Variants in ATAD2 observed in about 807,000 individuals in gnomAD.
ATAD2 encodes ATPase family AAA domain containing 2.
In ATAD2, 62 loss-of-function variants were observed where a neutral mutation model predicts 168.9. That is an observed-to-expected ratio of 0.37 (90% confidence interval 0.30 to 0.45). ATAD2 has a LOEUF of 0.45. Among genes scored for constraint, ATAD2 ranks in the 20% least tolerant of loss-of-function variants. The probability of loss-of-function intolerance (pLI) is 1.00; values close to 1 mark genes in which losing one functional copy is unlikely to be tolerated. For synonymous variants in ATAD2, 613 were observed against 571.6 expected (o/e 1.07, Z -1.03); for missense variants, 1,419 against 1,667.8 (o/e 0.85, Z 2.60).
At chr8:123,369,752 C>A in intron 7 of ATAD2, 69 bp downstream of exon 7, 1 of 1,317,578 alleles carries the variant, frequency 7.6e-7, no homozygotes. Context: ...ACAAGAATAA[C>A]AGAGAAGAAA....
intron 1 of ATAD2, among the ~76,000 whole-genome samples, chr8:123,406,229 T>C (rs1813066397): frequency 6.6e-6 from 1 of 151,262 alleles, no homozygotes; most frequent in African/African-American, 2.4e-5. Flanking sequence ...ATACAAAAAT[T>C]AGTTGGGTGT....
intron 7 of ATAD2, chr8:123,369,512 T>C (rs1012504218): frequency 1.2e-5 from 4 of 325,642 alleles, no homozygotes; most frequent in Admixed American, 4.4e-5. Context: ...AATATTAACA[T>C]AAATCAAAAG....
chr8:123,328,112 C>A, intron 25 of ATAD2, 78 bp downstream of exon 25: 1 of 1,182,718 alleles, frequency 8.5e-7, no homozygotes, highest in Non-Finnish European at 1.1e-6. Flanking sequence ...AAGCAATAAA[C>A]TAAGATGCAA....
rs1554648314 is a variant in ATAD2, at chr8:123,396,409, A to AGGCGCTCGCAGCTCT, written c.-67_-53dup. On this transcript the variant is annotated 5_prime_UTR_variant, in exon 1 of 28. Coordinates refer to ENST00000287394, the MANE Select transcript of ATAD2 (RefSeq NM_014109.4). ...CGCGACCGGAGAGAGATCCAGCTCC[A>AGGCGCTCGCAGCTCT]GGCGCTCGCAGCTCTGGCTCTTCCG... The AGGCGCTCGCAGCTCT allele has an allele frequency of 2.7e-5, 40 of 1,471,186 alleles. No homozygotes were observed. The highest frequency in any genetic ancestry group is 3.5e-5 in the Non-Finnish European group (39 of 1,113,656). 91.1% of individuals were successfully genotyped at this position (1,471,186 alleles called of 1,614,324 possible). A position where few individuals can be genotyped will look rare whatever the true frequency, so the allele number is the denominator to read the frequency against.
intron 2 of ATAD2, among the ~76,000 whole-genome samples, chr8:123,378,727 C>CAAAAAAAAAAAAAAAA (rs1554646643): frequency 2.5e-4 from 23 of 91,028 alleles, no homozygotes; most frequent in African/African-American, 8.7e-4. Flanking sequence ...AAAAAAAAAT[C>CAAAAAAAAAAAAAAAA]AAAATTCCAT....
chr8:123,399,664 G>T (rs967964108), upstream of ATAD2, among the ~76,000 whole-genome samples: 6 of 151,490 alleles, frequency 4.0e-5, no homozygotes, highest in Non-Finnish European at 8.8e-5. Flanking sequence ...AGAGCAGCCT[G>T]ACCAACATGG....
At position 123,401,973 on chromosome 8, in the gene ATAD2, A is replaced by C. The variant is rs1813009204; in HGVS notation, c.-2281-798T>G. ...GTGGGCATCCAGCATGGCTGCCAGG[A>C]TATCAGGGCCCGCAGCCTGTCTGTC... On this transcript the variant is annotated intron_variant, in intron 1 of 28. Transcript: ENST00000521903. 1.2e-5 allele frequency: 12 copies of C among 989,830 alleles called. No homozygotes were observed. In the South Asian group the frequency reaches 1.5e-4, roughly 13 times the overall value. 61.3% of individuals were successfully genotyped at this position (989,830 alleles called of 1,614,324 possible). A position where few individuals can be genotyped will look rare whatever the true frequency, so the allele number is the denominator to read the frequency against.
intron 1 of ATAD2, among the ~76,000 whole-genome samples, chr8:123,393,575 ATCAAAC>A (rs1812694490): frequency 2.0e-5 from 3 of 152,022 alleles, no homozygotes; most frequent in Admixed American, 2.0e-4. Flanking sequence ...TAATATATAT[ATCAAAC>A]AGTGGAAAAC....
rs1330289736 is a variant in ATAD2 at position 123,359,226 on chromosome 8, G to A, written c.1377C>T (p.Pro459=). Residue 459 remains proline (P), a synonymous_variant, in exon 11 of 28, where the codon CCC becomes CCT. Coordinates refer to ENST00000287394, the MANE Select transcript of ATAD2 (RefSeq NM_014109.4). ...TAAAAATATAATTAAATTACCTTGGGGGTTGAATTTTAAATTTTTCAAAGA... is the reference window on the plus strand; with the variant it reads ...TAAAAATATAATTAAATTACCTTGGAGGTTGAATTTTAAATTTTTCAAAGA... ...PEVFEKFKIQ[P]PRGCLFYGPP... 1 of 1,566,112 alleles carries A rather than the reference G, an allele frequency of 6.4e-7. No individual in the cohort carries two copies. Among genetic ancestry groups the A allele is most frequent in the South Asian group, 1.2e-5 (1 of 85,084 alleles).
At chr8:123,366,417 A>T (rs945179253) in intron 8 of ATAD2, among the ~76,000 whole-genome samples, 27 of 152,210 alleles carry the variant, frequency 1.8e-4, no homozygotes, top group African/African-American at 6.5e-4. Flanking sequence ...CTGGGTATCT[A>T]CCCAGAGGAA....
At chr8:123,414,699 G>A (rs561261979) in intron 1 of ATAD2, among the ~76,000 whole-genome samples, 11 of 152,280 alleles carry the variant, frequency 7.2e-5, no homozygotes, top group Non-Finnish European at 1.0e-4. Context: ...GTACCTTACC[G>A]TATAGAAGGT....
At chr8:123,413,929 A>G (rs532630694) in intron 1 of ATAD2, among the ~76,000 whole-genome samples, 2 of 151,934 alleles carry the variant, frequency 1.3e-5, no homozygotes, top group Admixed American at 1.3e-4. Context: ...AGGCGGGCAG[A>G]TCACTTGAGG....
At chr8:123,376,180 C>T (rs1481453074) in intron 2 of ATAD2, among the ~76,000 whole-genome samples, 1 of 150,612 alleles carries the variant, frequency 6.6e-6, no homozygotes, top group African/African-American at 2.4e-5. Context: ...CCTAGACGGG[C>T]AGATTGCCTG....
At chr8:123,364,586 G>A (rs1217170488) in intron 8 of ATAD2, among the ~76,000 whole-genome samples, 1 of 152,082 alleles carries the variant, frequency 6.6e-6, no homozygotes, top group Non-Finnish European at 1.5e-5. Context: ...TATGATCAAG[G>A]AGGTTTCATA....
chr8:123,322,796 A>G (rs1827506708), intron 27 of ATAD2, 142 bp downstream of exon 27: 2 of 798,702 alleles, frequency 2.5e-6, no homozygotes, highest in African/African-American at 1.8e-5. Flanking sequence ...TGGGACATCA[A>G]CTTTGGAAAT....
intron 13 of ATAD2, among the ~76,000 whole-genome samples, chr8:123,353,515 G>A (rs1344068304): frequency 6.6e-6 from 1 of 152,068 alleles, no homozygotes; most frequent in Admixed American, 6.6e-5. Flanking sequence ...TCTTCAGCCA[G>A]TGAGAGATCC....
intron 1 of ATAD2, among the ~76,000 whole-genome samples, chr8:123,381,192 A>T (rs1829483245): frequency 6.6e-6 from 1 of 152,246 alleles, no homozygotes; most frequent in Non-Finnish European, 1.5e-5. Flanking sequence ...CTAATGCAAC[A>T]GCTGAATTAA....
intron 1 of ATAD2, among the ~76,000 whole-genome samples, chr8:123,391,485 GAAAAAAAAAA>G (rs10563871): frequency 3.0e-5 from 1 of 33,858 alleles, no homozygotes. Context: ...GAGAAGTTTT[GAAAAAAAAAA>G]AAAAAAAAAA....
chr8:123,374,833 T>C (rs1829255556), intron 2 of ATAD2, among the ~76,000 whole-genome samples: 1 of 152,226 alleles, frequency 6.6e-6, no homozygotes, highest in South Asian at 2.1e-4. Flanking sequence ...TCAGAGGTTT[T>C]GTGTACACTC....
Sources: allele counts gnomAD v4.1 joint callset (sites outside exome capture counted in the v4.1 genomes callset), GRCh38; gene constraint gnomAD v4.1.1; transcripts MANE v1.5; gene names NCBI Gene and HGNC (gene_info 2026-07-23, HGNC 2026-07-21).